PTPRK: variants seen among roughly 807,000 people sequenced by gnomAD.
PTPRK encodes the protein protein tyrosine phosphatase receptor type K, also known as receptor-type tyrosine-protein phosphatase kappa.
PTPRK carries 75 observed loss-of-function variants against 178.0 expected under a neutral mutation model. The ratio of observed to expected loss-of-function variants is 0.42; its 90% CI spans 0.35 to 0.51. The LOEUF is 0.51. PTPRK is among the 20% of genes least tolerant of loss of function. The pLI is 0.02. For synonymous variants in PTPRK, 637 were observed against 620.6 expected, an observed-to-expected ratio of 1.03 and a Z score of -0.39; for missense variants, 1,441 against 1,797.8, an observed-to-expected ratio of 0.80 and a Z score of 3.59.
intron 7 of PTPRK, among the ~76,000 whole-genome samples, chr6:128,155,557 T>C (rs532485834): frequency 6.6e-6 from 1 of 151,732 alleles, no homozygotes; most frequent in African/African-American, 2.4e-5. Flanking sequence ...TTATAATCTA[T>C]AGATTGGTGT....
intron 7 of PTPRK, among the ~76,000 whole-genome samples, chr6:128,098,495 A>C (rs1788265119): frequency 6.6e-6 from 1 of 152,152 alleles, no homozygotes; most frequent in Non-Finnish European, 1.5e-5. Context: ...TACCAGCAGA[A>C]GCCAACCTAT....
chr6:128,313,508 A>T (rs1312721256), intron 3 of PTPRK, among the ~76,000 whole-genome samples: 1 of 152,222 alleles, frequency 6.6e-6, no homozygotes, highest in Admixed American at 6.5e-5. Context: ...AGAAGTGGAC[A>T]TAAAGTTGGG....
At chr6:128,498,768 T>C (rs1382116942) in intron 1 of PTPRK, among the ~76,000 whole-genome samples, 1 of 152,142 alleles carries the variant, frequency 6.6e-6, no homozygotes, top group African/African-American at 2.4e-5. Context: ...GATACCCACA[T>C]AGATAGATAA....
intron 2 of PTPRK, among the ~76,000 whole-genome samples, chr6:128,335,941 A>G (rs532508953): frequency 4.6e-4 from 70 of 152,300 alleles, no homozygotes; most frequent in Non-Finnish European, 8.5e-4. Flanking sequence ...TTTCAGTGCT[A>G]GCAATGCAGT....
chr6:128,495,955 C>G (rs375094454), intron 1 of PTPRK, among the ~76,000 whole-genome samples: 2 of 152,310 alleles, frequency 1.3e-5, no homozygotes, highest in South Asian at 2.1e-4. Context: ...TCCTGCCTAG[C>G]TTTCCTAATG....
chr6:128,258,791 C>T (rs1817730417), intron 3 of PTPRK, among the ~76,000 whole-genome samples: 1 of 152,142 alleles, frequency 6.6e-6, no homozygotes, highest in Admixed American at 6.6e-5. Context: ...GGAGGTAATG[C>T]CATTCCAGGC....
intron 7 of PTPRK, among the ~76,000 whole-genome samples, chr6:128,109,319 C>G (rs1790246775): frequency 6.6e-6 from 1 of 152,236 alleles, no homozygotes; most frequent in Non-Finnish European, 1.5e-5. Flanking sequence ...ATTAATGGCT[C>G]ACACCTGCAC....
At chr6:128,335,456 A>C (rs2128327855) in intron 2 of PTPRK, among the ~76,000 whole-genome samples, 1 of 151,980 alleles carries the variant, frequency 6.6e-6, no homozygotes, top group East Asian at 1.9e-4. Context: ...AAAAAAAAAA[A>C]AAATGAGAGA....
chr6:128,089,252 C>A (rs1435812856), intron 8 of PTPRK, among the ~76,000 whole-genome samples: 1 of 152,240 alleles, frequency 6.6e-6, no homozygotes, highest in African/African-American at 2.4e-5. Flanking sequence ...GCATGAACCA[C>A]TACACCCGGC....
chr6:128,088,034 C>A (rs1786242305), intron 8 of PTPRK, among the ~76,000 whole-genome samples: 1 of 152,172 alleles, frequency 6.6e-6, no homozygotes, highest in Non-Finnish European at 1.5e-5. Flanking sequence ...CTTAAGGGAA[C>A]TTGGGAATAC....
chr6:128,515,704 GCA>G (rs1169307529), intron 1 of PTPRK, among the ~76,000 whole-genome samples: 1 of 150,426 alleles, frequency 6.6e-6, no homozygotes, highest in Non-Finnish European at 1.5e-5. Context: ...ACATACACGT[GCA>G]CACACACAGA....
At chr6:128,027,456 T>C (rs140750040) in intron 13 of PTPRK, among the ~76,000 whole-genome samples, 9 of 152,260 alleles carry the variant, frequency 5.9e-5, no homozygotes, top group Admixed American at 5.9e-4. Flanking sequence ...ATCAGGTGCC[T>C]AAAAGTCAAA....
At chr6:128,399,284 T>A (rs1013982733) in intron 1 of PTPRK, among the ~76,000 whole-genome samples, 1 of 152,250 alleles carries the variant, frequency 6.6e-6, no homozygotes, top group African/African-American at 2.4e-5. Context: ...CAGGGAGGGG[T>A]CAGTGTCACA....
chr6:127,986,430 T>C (rs1324827685), intron 21 of PTPRK, among the ~76,000 whole-genome samples: 3 of 152,188 alleles, frequency 2.0e-5, no homozygotes, highest in African/African-American at 4.8e-5. Context: ...AAACTATTTT[T>C]CTTAGCTCTG....
intron 2 of PTPRK, among the ~76,000 whole-genome samples, chr6:128,342,547 C>A (rs1831810783): frequency 6.6e-6 from 1 of 151,456 alleles, no homozygotes; most frequent in Admixed American, 6.6e-5. Context: ...AGTATTTAAA[C>A]TAAACACAGT....
chr6:127,996,986 G>A lies in PTPRK; in HGVS notation c.2682C>T (p.Ser894=). 6.2e-7 allele frequency: 1 copy of A among 1,610,866 alleles called. No homozygotes were observed. The highest frequency in any genetic ancestry group is 1.1e-5 in the South Asian group (1 of 90,708). Residue 894 remains serine (S), a splice_region_variant and synonymous_variant, in exon 17 of 30, where the codon AGC becomes AGT. Coordinates refer to ENST00000368226, the MANE Select transcript of PTPRK (RefSeq NM_002844.4). ...DSYGFKEEYE[S]FFEGQSASWD... is the part of the protein sequence containing the mutation. ...AAGATGCTGACTGTCCTTCAAAAAA[G>A]CTCTGGGAAAACAAAACGAATAAGC...
rs1183513666 is a variant in PTPRK at position 128,095,217 on chromosome 6, TGGATAA to T, written c.1163-5231_1163-5226del. Among the ~76,000 whole-genome samples, 4 of 152,326 alleles carry T rather than the reference TGGATAA, an allele frequency of 2.6e-5. No individual in the cohort carries two copies. In the East Asian group the frequency reaches 7.7e-4, roughly 29 times the overall value. ...ACAAAATATTAAGTGTTTGAGGTGA[TGGATAA>T]GTAGCTTCACTTCACTATTCCCTGT... On this transcript the variant is annotated intron_variant, in intron 7 of 29. Coordinates refer to ENST00000368226, the MANE Select transcript of PTPRK (RefSeq NM_002844.4).
At chr6:128,410,316 C>A (rs1842157427) in intron 1 of PTPRK, among the ~76,000 whole-genome samples, 1 of 152,166 alleles carries the variant, frequency 6.6e-6, no homozygotes, top group Admixed American at 6.5e-5. Flanking sequence ...ATCAGCTCAA[C>A]AAGTAAATAT....
intron 2 of PTPRK, among the ~76,000 whole-genome samples, chr6:128,349,403 A>C (rs1469888758): frequency 6.6e-6 from 1 of 152,140 alleles, no homozygotes; most frequent in Non-Finnish European, 1.5e-5. Context: ...TCAACAGGAA[A>C]ATACAGAAAT....
Sources: allele counts gnomAD v4.1 joint callset (sites outside exome capture counted in the v4.1 genomes callset), GRCh38; gene constraint gnomAD v4.1.1; transcripts MANE v1.5; gene names NCBI Gene and HGNC (gene_info 2026-07-23, HGNC 2026-07-21).